MAGI2: variants seen among roughly 807,000 people sequenced by gnomAD.
The protein encoded by MAGI2 is membrane associated guanylate kinase, WW and PDZ domain containing 2.
MAGI2 carries 35 observed loss-of-function variants against 133.3 expected under a neutral mutation model. That is an observed-to-expected ratio of 0.26 (90% CI 0.20 to 0.35). The LOEUF is 0.35. Among genes scored for constraint, MAGI2 ranks in the 10% least tolerant of loss-of-function variants. The pLI is 1.00. For missense variants in MAGI2, 1,636 were observed against 1,863.4 expected (o/e 0.88, Z 2.25); for synonymous variants, 729 against 710.6 (o/e 1.03, Z -0.41).
intron 14 of MAGI2, among the ~76,000 whole-genome samples, chr7:78,176,778 G>A (rs62463860): frequency 0.12 from 18,456 of 151,940 alleles, 1,151 homozygotes; most frequent in East Asian, 0.19. Flanking sequence ...AGTCCAGGAA[G>A]TTGAGACTGC....
chr7:78,455,838 C>T (rs916926797), intron 6 of MAGI2, among the ~76,000 whole-genome samples: 1 of 151,976 alleles, frequency 6.6e-6, no homozygotes, highest in Non-Finnish European at 1.5e-5. Flanking sequence ...AAGGTTGACA[C>T]TAAGTCTACC....
At chr7:79,242,505 T>C (rs1055046004) in intron 1 of MAGI2, among the ~76,000 whole-genome samples, 16 of 152,238 alleles carry the variant, frequency 1.1e-4, no homozygotes, top group Admixed American at 1.0e-3. Flanking sequence ...TTAACTAATA[T>C]AACTTTAAAT....
At chr7:78,972,654 A>C (rs2116009987) in intron 2 of MAGI2, among the ~76,000 whole-genome samples, 1 of 151,972 alleles carries the variant, frequency 6.6e-6, no homozygotes, top group African/African-American at 2.4e-5. Flanking sequence ...TATATAATAT[A>C]TATAATCCAG....
chr7:78,500,762 T>C (rs1794548762), intron 5 of MAGI2, among the ~76,000 whole-genome samples: 1 of 152,228 alleles, frequency 6.6e-6, no homozygotes, highest in African/African-American at 2.4e-5. Flanking sequence ...CAAATTATTT[T>C]ACTGACATCT....
At chr7:79,071,071 T>A (rs1242748504) in intron 1 of MAGI2, among the ~76,000 whole-genome samples, 1 of 152,138 alleles carries the variant, frequency 6.6e-6, no homozygotes, top group East Asian at 1.9e-4. Flanking sequence ...TTTCGCCCCA[T>A]CTTCGTGGAT....
chr7:78,761,381 TA>T (rs1206167195), intron 2 of MAGI2, among the ~76,000 whole-genome samples: 1 of 152,032 alleles, frequency 6.6e-6, no homozygotes, highest in African/African-American at 2.4e-5. Flanking sequence ...CATAACTTCA[TA>T]AAAAGGTTCT....
chr7:79,250,266 T>G lies in MAGI2; in HGVS notation c.301+202754A>C, dbSNP rs562120206. ...GGATGCCCATGTTCATCACTTTTAT[T>G]CAACATGGTATTGGAAGTCATATCT... On this transcript the variant is annotated intron_variant, in intron 1 of 21. Transcript: ENST00000354212. 2.2e-4 allele frequency among the ~76,000 whole-genome samples: 33 copies of G among 151,354 alleles called. No homozygotes were observed. In the East Asian group the frequency reaches 4.7e-3, roughly 21 times the overall value.
At chr7:78,922,773 C>T (rs979511360) in intron 2 of MAGI2, among the ~76,000 whole-genome samples, 35 of 151,592 alleles carry the variant, frequency 2.3e-4, no homozygotes, top group African/African-American at 8.0e-4. Flanking sequence ...GCTACACTGA[C>T]TTCCACAATG....
At chr7:79,210,411 C>T (rs1829409520) in intron 1 of MAGI2, among the ~76,000 whole-genome samples, 1 of 152,106 alleles carries the variant, frequency 6.6e-6, no homozygotes, top group African/African-American at 2.4e-5. Flanking sequence ...CTATTTTAGG[C>T]TTACTCTTCC....
intron 2 of MAGI2, among the ~76,000 whole-genome samples, chr7:78,800,210 A>G (rs1478332617): frequency 6.6e-6 from 1 of 152,156 alleles, no homozygotes; most frequent in African/African-American, 2.4e-5. Flanking sequence ...GTCCAGGTAG[A>G]CTAACTTTTA....
At chr7:79,434,107 A>C (rs1305013121) in intron 1 of MAGI2, among the ~76,000 whole-genome samples, 1 of 151,644 alleles carries the variant, frequency 6.6e-6, no homozygotes, top group African/African-American at 2.4e-5. Context: ...CTAGATGAAA[A>C]CCTCTCTTTT....
At chr7:79,094,872 A>C (rs1396758444) in intron 1 of MAGI2, among the ~76,000 whole-genome samples, 1 of 152,108 alleles carries the variant, frequency 6.6e-6, no homozygotes, top group East Asian at 1.9e-4. Flanking sequence ...TTTGTTTTTC[A>C]ATTTATGGAA....
intron 2 of MAGI2, among the ~76,000 whole-genome samples, chr7:78,840,064 G>T (rs1314239584): frequency 6.6e-6 from 1 of 151,942 alleles, no homozygotes; most frequent in African/African-American, 2.4e-5. Context: ...GTAATTTCAA[G>T]TAGTAATTTT....
At chr7:78,071,510 C>T (rs1422846999) in intron 21 of MAGI2, among the ~76,000 whole-genome samples, 1 of 152,060 alleles carries the variant, frequency 6.6e-6, no homozygotes, top group East Asian at 1.9e-4. Flanking sequence ...GTACTCCAGC[C>T]TGGACTACAG....
intron 2 of MAGI2, among the ~76,000 whole-genome samples, chr7:78,654,743 A>C (rs886288364): frequency 1.9e-3 from 123 of 64,096 alleles, no homozygotes; most frequent in Non-Finnish European, 3.0e-3. Flanking sequence ...ATATATATAT[A>C]TATATAGCAT....
At position 79,294,309 on chromosome 7, in the gene MAGI2, C is replaced by G. The variant is rs182117633; in HGVS notation, c.301+158711G>C. 7.9e-5 allele frequency among the ~76,000 whole-genome samples: 12 copies of G among 151,814 alleles called. No homozygotes were observed. The Middle Eastern group carries it at 0.017, about 215-fold the overall frequency. On this transcript the variant is annotated intron_variant, in intron 1 of 21. Coordinates refer to ENST00000354212, the MANE Select transcript of MAGI2 (RefSeq NM_012301.4). ...ACGTGACCAGAAAAGATTAGGCTTG[C>G]GGACACATAGAAGGGTGCGAAAAAT... is the stretch of plus-strand genomic sequence containing the variant.
intron 14 of MAGI2, among the ~76,000 whole-genome samples, chr7:78,169,676 G>A (rs753687341): frequency 6.6e-6 from 1 of 152,214 alleles, no homozygotes; most frequent in African/African-American, 2.4e-5. Flanking sequence ...GGGGAGTGAG[G>A]TAGGGTGAGA....
At chr7:78,309,465 C>CA (rs1221725736) in intron 9 of MAGI2, among the ~76,000 whole-genome samples, 1 of 152,112 alleles carries the variant, frequency 6.6e-6, no homozygotes, top group Non-Finnish European at 1.5e-5. Context: ...TATGTTCTCA[C>CA]TTATAAGTGG....
chr7:78,361,589 G>C (rs1792817521), intron 7 of MAGI2, among the ~76,000 whole-genome samples: 1 of 152,054 alleles, frequency 6.6e-6, no homozygotes, highest in African/African-American at 2.4e-5. Flanking sequence ...TTGTAAAAAA[G>C]AACATTTATA....
Sources: gnomAD v4.1 joint callset for allele counts (sites outside exome capture counted in the v4.1 genomes callset) on GRCh38, gnomAD v4.1.1 for gene constraint, MANE v1.5 for transcripts, NCBI Gene and HGNC (gene_info 2026-07-23, HGNC 2026-07-21) for gene names.